Variants in LMX1A observed in about 807,000 individuals in gnomAD.
LMX1A encodes the protein LIM homeobox transcription factor 1 alpha.
Under a neutral mutation model 49.1 loss-of-function variants are expected in LMX1A, and 15 were observed. The observed-to-expected ratio is 0.31, with a 90% confidence interval of 0.20 to 0.47. LMX1A has a LOEUF of 0.47. Among genes scored for constraint, LMX1A ranks in the 20% least tolerant of loss-of-function variants. The pLI, the probability that LMX1A is intolerant of heterozygous loss-of-function variation, is 1.00. For missense variants in LMX1A, 372 were observed against 475.8 expected (o/e 0.78, Z 2.03); for synonymous variants, 167 against 185.7 (o/e 0.90, Z 0.82).
intron 3 of LMX1A, among the ~76,000 whole-genome samples, chr1:165,304,202 A>G (rs973893804): frequency 4.6e-5 from 7 of 152,156 alleles, no homozygotes; most frequent in Admixed American, 6.5e-5. Context: ...TAAAGTGGGA[A>G]CAATAATAGA....
At chr1:165,231,213 G>C (rs374366324) in intron 4 of LMX1A, among the ~76,000 whole-genome samples, 78 of 152,122 alleles carry the variant, frequency 5.1e-4, no homozygotes, top group African/African-American at 1.8e-3. Flanking sequence ...AAGTATAAGA[G>C]ATTGGGCTGA....
intron 3 of LMX1A, among the ~76,000 whole-genome samples, chr1:165,261,215 G>C (rs1312881033): frequency 6.6e-6 from 1 of 152,082 alleles, no homozygotes; most frequent in Non-Finnish European, 1.5e-5. Context: ...TGATCCGGTG[G>C]AAGTGACACC....
intron 4 of LMX1A, among the ~76,000 whole-genome samples, chr1:165,240,790 C>T (rs4657422): frequency 0.41 from 62,238 of 152,056 alleles, 14,910 homozygotes; most frequent in East Asian, 0.62. Context: ...AAGTCGACTC[C>T]GAAAGCAACT....
chr1:165,330,597 G>C (rs12097183), intron 3 of LMX1A, among the ~76,000 whole-genome samples: 4,709 of 152,278 alleles, frequency 0.031, 262 homozygotes, highest in African/African-American at 0.11. Flanking sequence ...ACTATGTGAA[G>C]ATAGCAGACA....
chr1:165,352,371 A>G (rs6426913), intron 3 of LMX1A, among the ~76,000 whole-genome samples: 128,051 of 152,250 alleles, frequency 0.84, 54,336 homozygotes, highest in East Asian at 0.91. Flanking sequence ...CTGAACTAGG[A>G]TGGCGGCACA....
chr1:165,276,725 G>A (rs1362745900), intron 3 of LMX1A, among the ~76,000 whole-genome samples: 1 of 152,092 alleles, frequency 6.6e-6, no homozygotes, highest in African/African-American at 2.4e-5. Context: ...ACTCAGACCT[G>A]AAGAGAGGAG....
intron 3 of LMX1A, among the ~76,000 whole-genome samples, chr1:165,302,564 C>T (rs1368532453): frequency 6.6e-6 from 1 of 152,204 alleles, no homozygotes; most frequent in Non-Finnish European, 1.5e-5. Flanking sequence ...CTCACTCATT[C>T]ACTACCCTTT....
intron 3 of LMX1A, among the ~76,000 whole-genome samples, chr1:165,323,268 A>G (rs933754972): frequency 4.6e-5 from 7 of 152,196 alleles, no homozygotes; most frequent in Admixed American, 3.3e-4. Context: ...CATACAAAAT[A>G]TACAGAAATG....
intron 4 of LMX1A, among the ~76,000 whole-genome samples, chr1:165,216,849 G>A (rs1443565660): frequency 1.3e-5 from 2 of 152,074 alleles, no homozygotes; most frequent in African/African-American, 4.8e-5. Flanking sequence ...TTAAATTCTA[G>A]CTCTGCCAGT....
At chr1:165,290,826 C>A (rs1045604916) in intron 3 of LMX1A, among the ~76,000 whole-genome samples, 3 of 152,196 alleles carry the variant, frequency 2.0e-5, no homozygotes, top group African/African-American at 4.8e-5. Context: ...TCTTGCCCCC[C>A]ACCCACCTTC....
intron 3 of LMX1A, among the ~76,000 whole-genome samples, chr1:165,279,392 G>A (rs1054013680): frequency 6.6e-6 from 1 of 152,168 alleles, no homozygotes. Context: ...TTACAATAAC[G>A]CTCAGAGTTA....
Position 165,355,402 on chromosome 1 carries a change from C to G in LMX1A, c.76+82G>C, listed in dbSNP as rs2101777950. ...GGGGCGCTAGCTTCCCTATCGCGGA[C>G]CAGGTCCCAGAGAGCGGGGCTCCAG... On this transcript the variant is annotated intron_variant, in intron 2 of 8. Coordinates refer to ENST00000342310, the MANE Select transcript of LMX1A (RefSeq NM_177398.4). This position sits in a 1 kb window ranked among gnomAD's most constrained non-coding sequence, Gnocchi z 4.7. 7.3e-7 allele frequency: 1 copy of G among 1,373,644 alleles called. No individual in the cohort carries two copies. The highest frequency in any genetic ancestry group is 1.2e-5 in the South Asian group (1 of 82,746). The allele number at this position is 1,373,644 out of a possible 1,614,324, so 85.1% of individuals were successfully genotyped here. A position where few individuals can be genotyped will look rare whatever the true frequency, so the allele number is the denominator to read the frequency against.
At chr1:165,343,190 G>A (rs74118597) in intron 3 of LMX1A, among the ~76,000 whole-genome samples, 3,137 of 152,132 alleles carry the variant, frequency 0.021, 107 homozygotes, top group African/African-American at 0.072. Context: ...CTTTGAGTTT[G>A]GTACTATCAT....
At chr1:165,225,761 A>ATGC (rs201763619) in intron 4 of LMX1A, among the ~76,000 whole-genome samples, 4 of 152,092 alleles carry the variant, frequency 2.6e-5, no homozygotes, top group East Asian at 1.9e-4. Flanking sequence ...TTCCCAGGTG[A>ATGC]TGCTGCTGCT....
chr1:165,316,090 A>G (rs1320648081), intron 3 of LMX1A, among the ~76,000 whole-genome samples: 13 of 152,322 alleles, frequency 8.5e-5, no homozygotes, highest in African/African-American at 2.4e-5. Flanking sequence ...CAGTCTGTCC[A>G]TGGGACATGG....
intron 4 of LMX1A, among the ~76,000 whole-genome samples, chr1:165,224,643 G>A (rs1265468541): frequency 1.3e-5 from 2 of 152,188 alleles, no homozygotes; most frequent in Non-Finnish European, 2.9e-5. Flanking sequence ...GTGCTCAGGA[G>A]ATTAATAATT....
chr1:165,328,906 G>C (rs1162682258), intron 3 of LMX1A, among the ~76,000 whole-genome samples: 2 of 152,164 alleles, frequency 1.3e-5, no homozygotes, highest in Admixed American at 6.5e-5. Context: ...AATACAAAAT[G>C]ATGCTCATTG....
intron 3 of LMX1A, among the ~76,000 whole-genome samples, chr1:165,251,063 C>A (rs1653043359): frequency 6.8e-6 from 1 of 147,196 alleles, no homozygotes; most frequent in Non-Finnish European, 1.5e-5. Flanking sequence ...ATCTGGCAAG[C>A]AATTGGGAGT....
rs775655335 is a variant in LMX1A at position 165,249,644 on chromosome 1, G to A, written c.264-4C>T. 1.2e-6 allele frequency: 2 copies of A among 1,611,572 alleles called. No homozygotes were observed. Among genetic ancestry groups the A allele is most frequent in the Admixed American group, 1.7e-5 (1 of 59,738 alleles). ...CCCACATTTAACAGCAAACAGCCTG[G>A]CAGCAGGGAGAAAGGAAGTACATGC... On this transcript the variant is annotated splice_region_variant and splice_polypyrimidine_tract_variant and intron_variant, in intron 3 of 8. Coordinates refer to ENST00000342310, the MANE Select transcript of LMX1A (RefSeq NM_177398.4).
Sources: allele counts gnomAD v4.1 joint callset (sites outside exome capture counted in the v4.1 genomes callset), GRCh38; gene constraint gnomAD v4.1.1; non-coding constraint Gnocchi (gnomAD v3.1); transcripts MANE v1.5; gene names NCBI Gene and HGNC (gene_info 2026-07-23, HGNC 2026-07-21).